Variants in DTNB observed in about 807,000 individuals in gnomAD.
DTNB encodes the protein dystrobrevin beta.
In DTNB, 63 loss-of-function variants were observed where a neutral mutation model predicts 90.7. The observed-to-expected ratio is 0.69, with a 90% confidence interval of 0.57 to 0.86. The LOEUF is 0.86. DTNB is among the 40% of genes least tolerant of loss of function. DTNB has a pLI of 0.00. For synonymous variants in DTNB, 277 were observed against 286.7 expected, an observed-to-expected ratio of 0.97 and a Z score of 0.34; for missense variants, 744 against 807.1, an observed-to-expected ratio of 0.92 and a Z score of 0.95.
chr2:25,393,093 A>G (rs1373941663), intron 16 of DTNB, among the ~76,000 whole-genome samples: 2 of 152,274 alleles, frequency 1.3e-5, no homozygotes, highest in Non-Finnish European at 2.9e-5. Context: ...ACGTAAGTCA[A>G]TAAATGTGAT....
At chr2:25,625,551 A>ATTTTTTT (rs66586812) in intron 4 of DTNB, among the ~76,000 whole-genome samples, 1 of 73,946 alleles carries the variant, frequency 1.4e-5, no homozygotes, top group Admixed American at 1.6e-4. Context: ...TAACTCACTC[A>ATTTTTTT]TTTTTTTTTT....
At chr2:25,388,419 G>A in intron 16 of DTNB, 58 bp from the exon 17 acceptor site, 1 of 1,533,546 alleles carries the variant, frequency 6.5e-7, no homozygotes, top group South Asian at 1.3e-5. Flanking sequence ...TTTGAGGAAG[G>A]AAGAAAGTAC....
chr2:25,530,634 T>C (rs557225124), intron 9 of DTNB, among the ~76,000 whole-genome samples: 37 of 152,126 alleles, frequency 2.4e-4, no homozygotes, highest in Non-Finnish European at 5.1e-4. Context: ...ATTATTTTAA[T>C]AAATATAAAC....
intron 2 of DTNB, among the ~76,000 whole-genome samples, chr2:25,643,145 A>T (rs1209139314): frequency 6.6e-6 from 1 of 152,068 alleles, no homozygotes. Flanking sequence ...ACACTCTTCA[A>T]ATTTCACCTC....
chr2:25,613,563 TAAAAACAAAGACATTACA>T (rs1316536545), intron 4 of DTNB, among the ~76,000 whole-genome samples: 1 of 150,266 alleles, frequency 6.7e-6, no homozygotes, highest in East Asian at 2.0e-4. Flanking sequence ...ATTCTGACAC[TAAAAACAAAGACATTACA>T]ATAAAAGACA....
rs545870012 is a variant in DTNB at position 25,416,831 on chromosome 2, A to C, written c.1575+2684T>G. On this transcript the variant is annotated intron_variant, in intron 16 of 20. Coordinates refer to ENST00000406818, the MANE Select transcript of DTNB (RefSeq NM_021907.5). ...AAGGAAGGAAGGAAGGAAGGAAGGAAGGAAGGAAGGAAGGAAGGGTGGTTG... is the reference window on the plus strand; with the variant it reads ...AAGGAAGGAAGGAAGGAAGGAAGGACGGAAGGAAGGAAGGAAGGGTGGTTG... Among the ~76,000 whole-genome samples the C allele has an allele frequency of 2.0e-5, 3 of 151,706 alleles. No individual in the cohort carries two copies. In the South Asian group the frequency reaches 6.3e-4, roughly 32 times the overall value.
chr2:25,478,360 C>T (rs886789446), intron 10 of DTNB, among the ~76,000 whole-genome samples: 2 of 152,108 alleles, frequency 1.3e-5, no homozygotes, highest in African/African-American at 2.4e-5. Context: ...GGCAGTTGTA[C>T]ATGGATGGCT....
intron 11 of DTNB, among the ~76,000 whole-genome samples, chr2:25,455,071 A>G (rs2059806215): frequency 6.6e-6 from 1 of 152,212 alleles, no homozygotes; most frequent in Non-Finnish European, 1.5e-5. Flanking sequence ...TAGTTAGGTA[A>G]GAATGAACAG....
intron 12 of DTNB, among the ~76,000 whole-genome samples, chr2:25,442,898 T>C (rs896767283): frequency 1.3e-5 from 2 of 152,224 alleles, no homozygotes; most frequent in Non-Finnish European, 2.9e-5. Context: ...GTAATAGTTC[T>C]AAAATATCCA....
chr2:25,658,623 G>A (rs2082535932), intron 1 of DTNB, among the ~76,000 whole-genome samples: 1 of 152,276 alleles, frequency 6.6e-6, no homozygotes, highest in East Asian at 1.9e-4. Context: ...AAGACATGGG[G>A]GAACCTTAAA....
At chr2:25,531,053 C>G (rs900593541) in intron 9 of DTNB, among the ~76,000 whole-genome samples, 3 of 152,118 alleles carry the variant, frequency 2.0e-5, no homozygotes, top group African/African-American at 7.2e-5. Flanking sequence ...CTAATTTTCC[C>G]TCAATACAAA....
intron 8 of DTNB, among the ~76,000 whole-genome samples, chr2:25,545,060 C>T (rs1427593491): frequency 5.9e-5 from 9 of 152,168 alleles, no homozygotes; most frequent in Admixed American, 4.6e-4. Flanking sequence ...CTTTCCATCT[C>T]CTTTTATCTG....
chr2:25,639,486 CCCGTGGCTGTGGCCATGCG>C (rs1304139374), intron 2 of DTNB, among the ~76,000 whole-genome samples: 12 of 107,940 alleles, frequency 1.1e-4, no homozygotes, highest in African/African-American at 3.8e-4. Context: ...GTGGCCATGC[CCCGTGGCTGTGGCCATGCG>C]GCGTGCCTCT....
At chr2:25,414,317 T>C (rs1178876426) in intron 16 of DTNB, among the ~76,000 whole-genome samples, 1 of 152,198 alleles carries the variant, frequency 6.6e-6, no homozygotes, top group Non-Finnish European at 1.5e-5. Flanking sequence ...AGTGCAGTGG[T>C]GCGATCTCGG....
intron 16 of DTNB, among the ~76,000 whole-genome samples, chr2:25,414,074 T>C (rs1323400320): frequency 1.3e-5 from 2 of 152,256 alleles, no homozygotes; most frequent in East Asian, 3.8e-4. Context: ...TGCATAAATG[T>C]CTTCTTTAGA....
At chr2:25,535,414 AGG>A (rs1299281385) in intron 8 of DTNB, among the ~76,000 whole-genome samples, 1 of 127,766 alleles carries the variant, frequency 7.8e-6, no homozygotes, top group African/African-American at 3.2e-5. Flanking sequence ...CACCTCCCAG[AGG>A]GGGCGGCCAG....
chr2:25,631,282 T>G (rs2075687185), intron 3 of DTNB, among the ~76,000 whole-genome samples: 1 of 152,158 alleles, frequency 6.6e-6, no homozygotes. Context: ...TGATAAAAGT[T>G]TTAATTCATA....
intron 1 of DTNB, among the ~76,000 whole-genome samples, chr2:25,656,135 T>C (rs928517714): frequency 6.6e-6 from 1 of 152,196 alleles, no homozygotes; most frequent in African/African-American, 2.4e-5. Context: ...ATTTAAATCC[T>C]TGTCTACAAG....
intron 1 of DTNB, among the ~76,000 whole-genome samples, chr2:25,667,202 A>T (rs1047311246): frequency 1.3e-5 from 2 of 152,062 alleles, no homozygotes; most frequent in Non-Finnish European, 2.9e-5. Flanking sequence ...ATGGGTCTGT[A>T]ATTTGGCTGG....
Sources: gnomAD v4.1 joint callset for allele counts (sites outside exome capture counted in the v4.1 genomes callset) on GRCh38, gnomAD v4.1.1 for gene constraint, MANE v1.5 for transcripts, NCBI Gene and HGNC (gene_info 2026-07-23, HGNC 2026-07-21) for gene names.